The following PDE6D variants were observed in gnomAD, a reference collection of about 807,000 sequenced individuals.
PDE6D encodes retinal rod rhodopsin-sensitive cGMP 3',5'-cyclic phosphodiesterase subunit delta.
PDE6D carries 10 observed loss-of-function variants against 21.9 expected under a neutral mutation model. The ratio of observed to expected loss-of-function variants is 0.46; its 90% CI spans 0.28 to 0.78. PDE6D has a LOEUF of 0.78. Ranked by LOEUF, PDE6D falls within the 30% of genes least tolerant of loss-of-function variation. The pLI, the probability that PDE6D is intolerant of heterozygous loss-of-function variation, is 0.12. For synonymous variants in PDE6D, 59 were observed against 63.5 expected, an observed-to-expected ratio of 0.93 and a Z score of 0.34; for missense variants, 139 against 184.8, an observed-to-expected ratio of 0.75 and a Z score of 1.44.
intron 1 of PDE6D, among the ~76,000 whole-genome samples, chr2:231,773,954 G>A (rs531612905): frequency 6.6e-6 from 1 of 151,868 alleles, no homozygotes; most frequent in South Asian, 2.1e-4. Context: ...TTATTATTGA[G>A]ATGGAGTCTC....
At chr2:231,767,691 T>A (rs2048983110) in intron 1 of PDE6D, among the ~76,000 whole-genome samples, 1 of 152,182 alleles carries the variant, frequency 6.6e-6, no homozygotes, top group Non-Finnish European at 1.5e-5. Context: ...ATTTAATGAA[T>A]TCTATCTACC....
At chr2:231,750,804 G>A (rs2048834034) in intron 1 of PDE6D, among the ~76,000 whole-genome samples, 1 of 151,304 alleles carries the variant, frequency 6.6e-6, no homozygotes, top group African/African-American at 2.4e-5. Context: ...CACCATGCCT[G>A]GCCTCACATC....
rs2049121522 is a variant in PDE6D at position 231,781,201 on chromosome 2, C to G, written c.-87G>C. The G allele has an allele frequency of 5.8e-6, 8 of 1,387,074 alleles. No individual in the cohort carries two copies. Among genetic ancestry groups the G allele is most frequent in the Non-Finnish European group, 8.1e-6 (8 of 984,950 alleles). The allele number at this position is 1,387,074 out of a possible 1,614,324, so 85.9% of individuals were successfully genotyped here. On this transcript the variant is annotated 5_prime_UTR_variant, in exon 1 of 5. Coordinates refer to ENST00000287600, the MANE Select transcript of PDE6D (RefSeq NM_002601.4). Reference sequence around the variant, plus strand: ...CCAGGAGCCGAGGATGGAGCCGCAGCCCGGCTTGGAGACCTCGGGCTAGCA... The same window carrying G: ...CCAGGAGCCGAGGATGGAGCCGCAGGCCGGCTTGGAGACCTCGGGCTAGCA...
At chr2:231,769,171 C>T (rs2106284350) in intron 1 of PDE6D, among the ~76,000 whole-genome samples, 1 of 152,250 alleles carries the variant, frequency 6.6e-6, no homozygotes, top group South Asian at 2.1e-4. Flanking sequence ...GCCTGGCCTG[C>T]TTTATCATTT....
intron 1 of PDE6D, among the ~76,000 whole-genome samples, chr2:231,764,851 T>C (rs1480962602): frequency 6.6e-6 from 1 of 152,226 alleles, no homozygotes; most frequent in Non-Finnish European, 1.5e-5. Context: ...GCTCAGCATG[T>C]AACTGACACT....
chr2:231,735,385 C>A (rs1253172950), intron 4 of PDE6D, among the ~76,000 whole-genome samples: 1 of 149,576 alleles, frequency 6.7e-6, no homozygotes, highest in African/African-American at 2.5e-5. Flanking sequence ...CTGCAACCTC[C>A]GGCACCCAGA....
At position 231,732,823 on chromosome 2, in the gene PDE6D, A is replaced by G; in HGVS notation, c.*129T>C. On this transcript the variant is annotated 3_prime_UTR_variant, in exon 5 of 5. Transcript: ENST00000287600. ...ACAGAGCTGGTCCCCTGGTGGCTGC[A>G]GGTAGGTTCTGCTGTTGAGGGAATT... The G allele has an allele frequency of 3.0e-6, 2 of 673,038 alleles. No individual in the cohort carries two copies. The highest frequency in any genetic ancestry group is 1.7e-5 in the South Asian group (1 of 57,190). 41.7% of individuals were successfully genotyped at this position (673,038 alleles called of 1,614,324 possible). A position where few individuals can be genotyped will look rare whatever the true frequency, so the allele number is the denominator to read the frequency against.
intron 1 of PDE6D, among the ~76,000 whole-genome samples, chr2:231,775,008 G>A (rs1270366083): frequency 6.6e-6 from 1 of 151,936 alleles, no homozygotes; most frequent in Non-Finnish European, 1.5e-5. Context: ...TGCCTCCTGG[G>A]TTCAAGCAAT....
chr2:231,779,655 G>A (rs905668455), intron 1 of PDE6D, among the ~76,000 whole-genome samples: 1 of 152,164 alleles, frequency 6.6e-6, no homozygotes, highest in Non-Finnish European at 1.5e-5. Context: ...ACACAGAAAG[G>A]CACATGGAGC....
In PDE6D at chr2:231,737,855, T is replaced by A. The variant is rs565258653; in HGVS notation, c.265+158A>T. ...GTGGCTAGCTTTGTTTTGGTTTGTTTCACTGGGGATTCACAGTCTTGCAGA... is the reference window on the plus strand; with the variant it reads ...GTGGCTAGCTTTGTTTTGGTTTGTTACACTGGGGATTCACAGTCTTGCAGA... On this transcript the variant is annotated intron_variant, in intron 3 of 4. Transcript: ENST00000287600. The A allele has an allele frequency of 5.7e-5, 39 of 688,140 alleles. No individual in the cohort carries two copies. In the South Asian group the frequency reaches 8.2e-4, roughly 15 times the overall value. 42.6% of individuals were successfully genotyped at this position (688,140 alleles called of 1,614,324 possible).
chr2:231,739,688 G>A lies in PDE6D; in HGVS notation c.51-500C>T, dbSNP rs568080095. On this transcript the variant is annotated intron_variant, in intron 1 of 4. Coordinates refer to ENST00000287600, the MANE Select transcript of PDE6D (RefSeq NM_002601.4). This position sits in a 1 kb window ranked among gnomAD's most constrained non-coding sequence, Gnocchi z 4.2. Reference sequence around the variant, plus strand: ...ACTCTGTCACACAGGCTGGAATGCAGTGGCACAATCTCGGCTCACTACAAC... The same window carrying A: ...ACTCTGTCACACAGGCTGGAATGCAATGGCACAATCTCGGCTCACTACAAC... Among the ~76,000 whole-genome samples, 1 of 151,572 alleles carries A rather than the reference G, an allele frequency of 6.6e-6. No homozygotes were observed. Among genetic ancestry groups the A allele is most frequent in the Admixed American group, 6.6e-5 (1 of 15,218 alleles).
At chr2:231,737,786 C>A in intron 3 of PDE6D, 1 of 477,748 alleles carries the variant, frequency 2.1e-6, no homozygotes. Flanking sequence ...AACCAGGCAC[C>A]ACCATCCACG....
At chr2:231,769,018 G>A (rs1433656427) in intron 1 of PDE6D, among the ~76,000 whole-genome samples, 2 of 151,948 alleles carry the variant, frequency 1.3e-5, no homozygotes, top group Non-Finnish European at 2.9e-5. Flanking sequence ...ACAGGCACAC[G>A]CTACCACGCC....
Position 231,739,298 on chromosome 2 carries a change from TG to T in PDE6D, c.51-111del, listed in dbSNP as rs1283861345. ...ACTCTTGTTTACTTTTTAAAAAGTT[TG>T]TCAAACTGCTCATTGCCATGGAAGC... On this transcript the variant is annotated intron_variant, in intron 1 of 4. Coordinates refer to ENST00000287600, the MANE Select transcript of PDE6D (RefSeq NM_002601.4). This position sits in a 1 kb window ranked among gnomAD's most constrained non-coding sequence, Gnocchi z 4.2. The T allele has an allele frequency of 1.3e-5, 10 of 778,902 alleles. No individual in the cohort carries two copies. Among genetic ancestry groups the T allele is most frequent in the Non-Finnish European group, 1.2e-5 (5 of 427,868 alleles). 48.2% of individuals were successfully genotyped at this position (778,902 alleles called of 1,614,324 possible).
intron 4 of PDE6D, among the ~76,000 whole-genome samples, chr2:231,734,000 CAGG>C (rs2048672658): frequency 6.6e-6 from 1 of 151,964 alleles, no homozygotes; most frequent in Admixed American, 6.6e-5. Context: ...ATCACAAGGT[CAGG>C]AGATTGAGAC....
chr2:231,748,652 C>T (rs2048812798), intron 1 of PDE6D, among the ~76,000 whole-genome samples: 1 of 152,218 alleles, frequency 6.6e-6, no homozygotes, highest in Non-Finnish European at 1.5e-5. Context: ...CATCAGAGAA[C>T]TTCCCTGCAG....
At chr2:231,738,563 G>T (rs1265469467) in intron 2 of PDE6D, among the ~76,000 whole-genome samples, 1 of 152,142 alleles carries the variant, frequency 6.6e-6, no homozygotes, top group East Asian at 1.9e-4. Flanking sequence ...CTTTGGGTAT[G>T]TTCTAATGGT....
Position 231,758,833 on chromosome 2 carries a change from C to G in PDE6D, c.51-19645G>C, listed in dbSNP as rs146790120. Reference sequence around the variant, plus strand: ...GGGATCTGAGATTTTGCATTTCTAACTAGCTCCCTGATGATGCCAATGCTA... The same window carrying G: ...GGGATCTGAGATTTTGCATTTCTAAGTAGCTCCCTGATGATGCCAATGCTA... On this transcript the variant is annotated intron_variant, in intron 1 of 4. Transcript: ENST00000287600. Among the ~76,000 whole-genome samples the G allele has an allele frequency of 3.4e-3, 513 of 152,274 alleles. 5 individuals carry two copies. The highest frequency in any genetic ancestry group is 0.01 in the African/African-American group (420 of 41,540).
chr2:231,780,325 C>T lies in PDE6D; in HGVS notation c.50+740G>A, dbSNP rs145601591. ...GACACCTCGGCTAGGAGTCCCAGCGCGAGGCACCCCACACCTAAGCCTATG... is the reference window on the plus strand; with the variant it reads ...GACACCTCGGCTAGGAGTCCCAGCGTGAGGCACCCCACACCTAAGCCTATG... On this transcript the variant is annotated intron_variant, in intron 1 of 4. Transcript: ENST00000287600. 1.4e-4 allele frequency among the ~76,000 whole-genome samples: 22 copies of T among 152,222 alleles called. 1 individual carries two copies. Among genetic ancestry groups the T allele is most frequent in the African/African-American group, 4.8e-4 (20 of 41,534 alleles).
Sources: allele counts gnomAD v4.1 joint callset (sites outside exome capture counted in the v4.1 genomes callset), GRCh38; gene constraint gnomAD v4.1.1; non-coding constraint Gnocchi (gnomAD v3.1); transcripts MANE v1.5; gene names NCBI Gene and HGNC (gene_info 2026-07-23, HGNC 2026-07-21).